DYNAP: variants seen among roughly 807,000 people sequenced by gnomAD.
The protein encoded by DYNAP is dynactin associated protein, also known as dynactin-associated protein.
DYNAP carries 7 observed loss-of-function variants against 8.5 expected under a neutral mutation model. The observed-to-expected ratio is 0.82, with a 90% confidence interval of 0.47 to 1.54. The LOEUF is 1.54. DYNAP is among the 40% of genes most tolerant of loss of function. The pLI is 0.01. For synonymous variants in DYNAP, 77 were observed against 77.9 expected (o/e 0.99, Z 0.06); for missense variants, 256 against 224.3 (o/e 1.14, Z -0.90).
chr18:54,593,388 T>G (rs995563135), intron 1 of DYNAP, among the ~76,000 whole-genome samples: 4 of 152,132 alleles, frequency 2.6e-5, no homozygotes, highest in African/African-American at 9.7e-5. Flanking sequence ...ATACTATTAC[T>G]AATAACAAGA....
chr18:54,588,842 T>C (rs1198188876), upstream of DYNAP, among the ~76,000 whole-genome samples: 2 of 152,208 alleles, frequency 1.3e-5, no homozygotes, highest in Non-Finnish European at 2.9e-5. Flanking sequence ...TAATGATTGG[T>C]TCAAATTTCT....
intron 1 of DYNAP, 116 bp from the exon 2 acceptor site, chr18:54,594,823 C>A: frequency 8.7e-7 from 1 of 1,151,112 alleles, no homozygotes; most frequent in African/African-American, 1.6e-5. Context: ...GATAAGAAAA[C>A]ATTTATTCCT....
At position 54,594,963 on chromosome 18, in the gene DYNAP, G is replaced by A; in HGVS notation, c.82G>A (p.Glu28Lys). 1 of 1,611,594 alleles carries A rather than the reference G, an allele frequency of 6.2e-7. No homozygotes were observed. Among genetic ancestry groups the A allele is most frequent in the Non-Finnish European group, 8.5e-7 (1 of 1,178,684 alleles). ...GCCAATCACACATCCAAATGACCAA[G>A]AGGCTCACAGTTCCATATGCTGGTG... ...QPPITHPNDQEAHSSICWCLP... is the reference protein window; with the variant it reads ...QPPITHPNDQKAHSSICWCLP... The change falls in exon 2 of 3, where the codon GAG (glutamate) becomes AAG (lysine). Residue 28 changes from glutamate (E) to lysine (K), a missense_variant. Coordinates refer to ENST00000648945, the MANE Select transcript of DYNAP (RefSeq NM_173629.3).
chr18:54,586,000 C>T (rs146088696), upstream of DYNAP, among the ~76,000 whole-genome samples: 20 of 152,292 alleles, frequency 1.3e-4, 1 homozygote, highest in Non-Finnish European at 2.4e-4. Context: ...CACCCCACTC[C>T]GTTCCTAGGT....
chr18:54,575,702 G>A, the DYNAP span, among the ~76,000 whole-genome samples: 1 of 152,116 alleles, frequency 6.6e-6, no homozygotes, highest in East Asian at 1.9e-4. Flanking sequence ...GACTTCCAAA[G>A]CACTGGGATT....
chr18:54,587,216 C>G (rs73472942), upstream of DYNAP, among the ~76,000 whole-genome samples: 22,444 of 152,008 alleles, frequency 0.15, 1,718 homozygotes, highest in Middle Eastern at 0.16. Flanking sequence ...TTTTCCAGCA[C>G]GATGAGAATA....
chr18:54,577,602 C>CAA, the DYNAP span, among the ~76,000 whole-genome samples: 202 of 66,272 alleles, frequency 3.0e-3, no homozygotes, highest in African/African-American at 8.4e-3. Flanking sequence ...AATCTTGTTT[C>CAA]AAAAAAAAAA....
the DYNAP span, among the ~76,000 whole-genome samples, chr18:54,578,445 A>G: frequency 4.6e-5 from 7 of 152,228 alleles, no homozygotes; most frequent in Non-Finnish European, 1.0e-4. Context: ...TGGATGCATC[A>G]TAGTGAATTT....
chr18:54,585,992 C>T (rs776646362), upstream of DYNAP, among the ~76,000 whole-genome samples: 1 of 152,150 alleles, frequency 6.6e-6, no homozygotes, highest in Non-Finnish European at 1.5e-5. Context: ...AGCCCTTGCA[C>T]CCCACTCCGT....
rs751281076 is a variant in DYNAP, at chr18:54,597,950, T to C, written c.360T>C (p.Ile120=). 13 of 1,613,504 alleles carry C rather than the reference T, an allele frequency of 8.1e-6. No homozygotes were observed. The highest frequency in any genetic ancestry group is 8.5e-7 in the Non-Finnish European group (1 of 1,179,774). Residue 120 remains isoleucine, a synonymous_variant, in exon 3 of 3, where the codon ATT becomes ATC. Coordinates refer to ENST00000648945, the MANE Select transcript of DYNAP (RefSeq NM_173629.3). ...ACAAAGGATCGGCCAATTCCTCCAT[T>C]GTTATCCAGCTATCCACAAATGATG... is the stretch of plus-strand genomic sequence containing the variant. The part of the protein sequence containing the change: ...VNNKGSANSS[I]VIQLSTNDGE...
At chr18:54,584,319 C>A (rs2144880415), upstream of DYNAP, among the ~76,000 whole-genome samples, 1 of 147,236 alleles carries the variant, frequency 6.8e-6, no homozygotes, top group East Asian at 2.0e-4. Context: ...ATAAATATGC[C>A]TAAGAATGCA....
Position 54,599,046 on chromosome 18 carries a change from C to T in DYNAP, c.*901C>T, listed in dbSNP as rs1911429556. On this transcript the variant is annotated 3_prime_UTR_variant, in exon 3 of 3. Transcript: ENST00000648945. ...CCTGGAAGCCCCAACTTTGAGTTGT[C>T]CTGCCTTTCTGAACCAAGCCAATGT... The T allele has an allele frequency of 6.6e-6, 1 of 152,054 alleles. No individual in the cohort carries two copies. Among genetic ancestry groups the T allele is most frequent in the South Asian group, 2.1e-4 (1 of 4,822 alleles). 9.4% of individuals were successfully genotyped at this position (152,054 alleles called of 1,614,324 possible). A position where few individuals can be genotyped will look rare whatever the true frequency, so the allele number is the denominator to read the frequency against.
chr18:54,590,161 T>A (rs1314728466), upstream of DYNAP, among the ~76,000 whole-genome samples: 7 of 152,156 alleles, frequency 4.6e-5, no homozygotes, highest in Non-Finnish European at 1.5e-5. Context: ...AAACAATAAC[T>A]CCCCATTTCC....
At chr18:54,585,440 C>T (rs1910842863), upstream of DYNAP, among the ~76,000 whole-genome samples, 1 of 152,088 alleles carries the variant, frequency 6.6e-6, no homozygotes, top group South Asian at 2.1e-4. Flanking sequence ...CTCCAGACCA[C>T]TCTTCCTACT....
At chr18:54,584,310 T>C (rs1218903742), upstream of DYNAP, among the ~76,000 whole-genome samples, 1 of 148,964 alleles carries the variant, frequency 6.7e-6, no homozygotes, top group Non-Finnish European at 1.5e-5. Context: ...AAATATTTAA[T>C]AAATATGCCT....
upstream of DYNAP, among the ~76,000 whole-genome samples, chr18:54,585,612 A>G (rs1474499092): frequency 2.6e-5 from 4 of 152,184 alleles, no homozygotes; most frequent in African/African-American, 4.8e-5. Flanking sequence ...TCATCCCTCA[A>G]AGATCACTTC....
the DYNAP span, among the ~76,000 whole-genome samples, chr18:54,577,429 A>T: frequency 6.6e-6 from 1 of 151,986 alleles, no homozygotes; most frequent in Non-Finnish European, 1.5e-5. Flanking sequence ...TCTAAAAAAA[A>T]AATTAGCAGG....
upstream of DYNAP, among the ~76,000 whole-genome samples, chr18:54,583,811 A>G (rs201380156): frequency 5.1e-4 from 78 of 152,342 alleles, no homozygotes; most frequent in African/African-American, 1.7e-3. Context: ...GTTTGTATTA[A>G]GGGTGATAAA....
At chr18:54,596,254 G>T (rs1911283585) in intron 2 of DYNAP, among the ~76,000 whole-genome samples, 1 of 151,712 alleles carries the variant, frequency 6.6e-6, no homozygotes, top group African/African-American at 2.4e-5. Flanking sequence ...TTAATTTTTT[G>T]TAGAGTTGAG....
Sources: gnomAD v4.1 joint callset for allele counts (sites outside exome capture counted in the v4.1 genomes callset) on GRCh38, gnomAD v4.1.1 for gene constraint, MANE v1.5 for transcripts, NCBI Gene and HGNC (gene_info 2026-07-23, HGNC 2026-07-21) for gene names.